PTPRN2: variants seen among roughly 807,000 people sequenced by gnomAD.
The protein encoded by PTPRN2 is receptor-type tyrosine-protein phosphatase N2.
A neutral mutation model predicts 118.8 loss-of-function variants in PTPRN2; 74 were observed. That is an observed-to-expected ratio of 0.62 (90% confidence interval 0.52 to 0.76). The LOEUF (loss-of-function observed/expected upper bound fraction) is 0.76. Among genes scored for constraint, PTPRN2 ranks in the 30% least tolerant of loss-of-function variants. The pLI is 0.00. For missense variants in PTPRN2, 1,481 were observed against 1,394.4 expected, an observed-to-expected ratio of 1.06 and a Z score of -0.99; for synonymous variants, 641 against 608.0, an observed-to-expected ratio of 1.05 and a Z score of -0.80.
Position 157,794,457 on chromosome 7 carries a change from C to T in PTPRN2, c.1788+104216G>A, listed in dbSNP as rs1195475207. Among the ~76,000 whole-genome samples the T allele has an allele frequency of 3.9e-5, 6 of 152,212 alleles. No homozygotes were observed. Among genetic ancestry groups the T allele is most frequent in the Non-Finnish European group, 7.3e-5 (5 of 68,050 alleles). ...CCTCTGAAAGCCCATTGTGTCTGCC[C>T]CTATTCTTTGAAGCTTCACTGCTTT... On this transcript the variant is annotated intron_variant, in intron 12 of 22. Transcript: ENST00000389418. The surrounding 1 kb of genome is among the most constrained non-coding windows in gnomAD (Gnocchi z 5.2).
chr7:157,908,238 C>T lies in PTPRN2; in HGVS notation c.1724-9501G>A, dbSNP rs116921915. Among the ~76,000 whole-genome samples, 1,739 of 152,248 alleles carry T rather than the reference C, an allele frequency of 0.011. 150 individuals are homozygous for T. The East Asian group carries it at 0.24, about 21-fold the overall frequency. ...CCGGCCTGGGAGGGGCTGCACAGGC[C>T]GAGCCGCAGCATGATGTCCCCTGCG... On this transcript the variant is annotated intron_variant, in intron 11 of 22. Transcript: ENST00000389418.
At chr7:157,715,252 G>A (rs1239113817) in intron 12 of PTPRN2, among the ~76,000 whole-genome samples, 3 of 152,216 alleles carry the variant, frequency 2.0e-5, no homozygotes, top group South Asian at 4.1e-4. Context: ...GAGGAGGGTC[G>A]TGGTGGGAAT....
intron 1 of PTPRN2, among the ~76,000 whole-genome samples, chr7:158,550,220 C>G (rs1421328154): frequency 2.6e-5 from 4 of 152,220 alleles, no homozygotes; most frequent in Non-Finnish European, 5.9e-5. Flanking sequence ...GCTGAGCCCA[C>G]GTCCCGATAG....
intron 11 of PTPRN2, among the ~76,000 whole-genome samples, chr7:157,947,774 CA>C (rs1211770316): frequency 3.9e-5 from 6 of 152,202 alleles, no homozygotes; most frequent in Non-Finnish European, 2.9e-5. Flanking sequence ...ATCAAACCAT[CA>C]AAAGCCAAAG....
intron 3 of PTPRN2, among the ~76,000 whole-genome samples, chr7:158,312,205 C>CACACACACCA (rs11280772): frequency 0.41 from 55,355 of 136,368 alleles, 11,599 homozygotes; most frequent in Middle Eastern, 0.48. Flanking sequence ...CACTCACATG[C>CACACACACCA]ACACACACGT....
At position 157,571,487 on chromosome 7, in the gene PTPRN2, T is replaced by C. The variant is rs147434878; in HGVS notation, c.2790A>G (p.Val930=). 102 of 1,607,088 alleles carry C rather than the reference T, an allele frequency of 6.3e-5. No homozygotes were observed. In the Middle Eastern group the frequency reaches 1.3e-3, roughly 21 times the overall value. The change falls in exon 20 of 23, where the codon GTA becomes GTG. Residue 930 remains valine, a synonymous_variant. Coordinates refer to ENST00000389418, the MANE Select transcript of PTPRN2 (RefSeq NM_002847.5). ...AAGAACGGCCCCTGTAGCACTTGTT[T>C]ACTTTTCTGAAATAAAAAGAGATAT... ...SRSLLDFRRK[V]NKCYRGRSCP...
intron 1 of PTPRN2, among the ~76,000 whole-genome samples, chr7:158,512,214 G>C (rs993986628): frequency 6.6e-6 from 1 of 152,192 alleles, no homozygotes; most frequent in Admixed American, 6.5e-5. Context: ...AAACTGAAAG[G>C]AAAAGATCCT....
chr7:157,614,218 G>A (rs1037485443), intron 15 of PTPRN2: 49 of 428,668 alleles, frequency 1.1e-4, no homozygotes, highest in Admixed American at 5.5e-4. Context: ...TCTGTGGCCC[G>A]TGGCAAGGTC....
rs1554524096 is a variant in PTPRN2 at position 158,059,538 on chromosome 7, G to GCACA, written c.1723+21759_1723+21760insTGTG. 1.4e-4 allele frequency among the ~76,000 whole-genome samples: 13 copies of GCACA among 90,102 alleles called. 2 individuals are homozygous for GCACA. Among genetic ancestry groups the GCACA allele is most frequent in the African/African-American group, 4.5e-4 (8 of 17,808 alleles). The allele number at this position is 90,102 out of a possible 152,430, so 59.1% of individuals were successfully genotyped here. On this transcript the variant is annotated intron_variant, in intron 11 of 22. Coordinates refer to ENST00000389418, the MANE Select transcript of PTPRN2 (RefSeq NM_002847.5). ...ACATCACTGCAGCCACACTCCATCT[G>GCACA]CAGTGACACATCACTGCAGCCACAC...
intron 12 of PTPRN2, among the ~76,000 whole-genome samples, chr7:157,712,180 C>T (rs1798680099): frequency 6.6e-6 from 1 of 152,060 alleles, no homozygotes; most frequent in Non-Finnish European, 1.5e-5. Flanking sequence ...ACAGGTACTG[C>T]TGGCTGGGAA....
In PTPRN2 at chr7:157,546,054, T is replaced by G. The variant is rs1258408111; in HGVS notation, c.2976+2892A>C. 3.3e-5 allele frequency among the ~76,000 whole-genome samples: 5 copies of G among 152,186 alleles called. No homozygotes were observed. In the East Asian group the frequency reaches 9.6e-4, roughly 29 times the overall value. ...ACTTTCGCATGGTTCCATTTCCTTA[T>G]GCCTTGAAGTTCCAGGAGCTGAATT... is the stretch of plus-strand genomic sequence containing the variant. On this transcript the variant is annotated intron_variant, in intron 22 of 22. Transcript: ENST00000389418.
At chr7:158,201,275 G>A (rs1427197110) in intron 4 of PTPRN2, among the ~76,000 whole-genome samples, 1 of 152,080 alleles carries the variant, frequency 6.6e-6, no homozygotes. Flanking sequence ...AACCATAATA[G>A]TGAGAACTAA....
At chr7:158,456,800 G>T (rs1375394363) in intron 2 of PTPRN2, among the ~76,000 whole-genome samples, 3 of 152,130 alleles carry the variant, frequency 2.0e-5, no homozygotes, top group Admixed American at 6.5e-5. Flanking sequence ...GGGGAGACGG[G>T]GTCTTACTCT....
At chr7:158,392,318 G>C (rs537118861) in intron 2 of PTPRN2, among the ~76,000 whole-genome samples, 135 of 152,346 alleles carry the variant, frequency 8.9e-4, no homozygotes, top group African/African-American at 3.2e-3. Context: ...TGGGCACTGT[G>C]GATGTTCCAC....
rs143944864 is a variant in PTPRN2, at chr7:158,440,408, G to A, written c.163+49327C>T. On this transcript the variant is annotated intron_variant, in intron 2 of 22. Transcript: ENST00000389418. ...AACAACAGTGATGGTGATGGTAGTGGTGGTGGTGATAGTGAAAGCAGTGGT... is the reference window on the plus strand; with the variant it reads ...AACAACAGTGATGGTGATGGTAGTGATGGTGGTGATAGTGAAAGCAGTGGT... Among the ~76,000 whole-genome samples, 49 of 152,324 alleles carry A rather than the reference G, an allele frequency of 3.2e-4. 1 individual carries two copies. The highest frequency in any genetic ancestry group is 3.4e-3 in the Middle Eastern group (1 of 294).
intron 12 of PTPRN2, among the ~76,000 whole-genome samples, chr7:157,755,018 T>C (rs1801696656): frequency 6.6e-6 from 1 of 152,194 alleles, no homozygotes; most frequent in Admixed American, 6.5e-5. Context: ...CCTGAGGAGC[T>C]GGGACTATGG....
At chr7:157,957,057 C>T (rs1242610903) in intron 11 of PTPRN2, among the ~76,000 whole-genome samples, 1 of 152,152 alleles carries the variant, frequency 6.6e-6, no homozygotes, top group African/African-American at 2.4e-5. Flanking sequence ...GAGCGAATGG[C>T]CACTTGGGAA....
chr7:158,236,012 G>A (rs1192741708), intron 3 of PTPRN2, among the ~76,000 whole-genome samples: 1 of 152,096 alleles, frequency 6.6e-6, no homozygotes, highest in African/African-American at 2.4e-5. Flanking sequence ...GAGACGTCGT[G>A]GGGGAAACTG....
At position 157,811,835 on chromosome 7, in the gene PTPRN2, G is replaced by C. The variant is rs10249767; in HGVS notation, c.1788+86838C>G. 6.2e-3 allele frequency among the ~76,000 whole-genome samples: 939 copies of C among 152,040 alleles called. 9 individuals carry two copies. The highest frequency in any genetic ancestry group is 0.022 in the African/African-American group (913 of 41,390). ...ATAGGGTGCTTCTCTGGATTTTAGGGTCTAGACCAAAGCTGAGGCTGTTTT... is the reference window on the plus strand; with the variant it reads ...ATAGGGTGCTTCTCTGGATTTTAGGCTCTAGACCAAAGCTGAGGCTGTTTT... On this transcript the variant is annotated intron_variant, in intron 12 of 22. Transcript: ENST00000389418.
Sources: allele counts gnomAD v4.1 joint callset (sites outside exome capture counted in the v4.1 genomes callset), GRCh38; gene constraint gnomAD v4.1.1; non-coding constraint Gnocchi (gnomAD v3.1); transcripts MANE v1.5; gene names NCBI Gene and HGNC (gene_info 2026-07-23, HGNC 2026-07-21).